SYNDIG1L: variants seen among roughly 807,000 people sequenced by gnomAD.
The protein encoded by SYNDIG1L is synapse differentiation-inducing gene protein 1-like.
A neutral mutation model predicts 20.1 loss-of-function variants in SYNDIG1L; 13 were observed. That is an observed-to-expected ratio of 0.65 (90% CI 0.42 to 1.03). The LOEUF is 1.03. Among genes scored for constraint, SYNDIG1L ranks in the 50% least tolerant of loss-of-function variants. The pLI, the probability that SYNDIG1L is intolerant of heterozygous loss-of-function variation, is 0.00. For missense variants in SYNDIG1L, 294 were observed against 305.1 expected, an observed-to-expected ratio of 0.96 and a Z score of 0.27; for synonymous variants, 128 against 129.3, an observed-to-expected ratio of 0.99 and a Z score of 0.07.
At chr14:74,438,102 A>G in the SYNDIG1L span, among the ~76,000 whole-genome samples, 2 of 152,230 alleles carry the variant, frequency 1.3e-5, no homozygotes, top group African/African-American at 4.8e-5. Context: ...CACCTACTGT[A>G]TGCTATATAA....
intron 1 of SYNDIG1L, among the ~76,000 whole-genome samples, chr14:74,412,381 T>C (rs1055492123): frequency 1.2e-4 from 19 of 152,278 alleles, no homozygotes; most frequent in Admixed American, 7.2e-4. Flanking sequence ...GTAAGCCGTA[T>C]GGATTTGGGA....
chr14:74,456,671 G>A, the SYNDIG1L span, among the ~76,000 whole-genome samples: 3 of 152,298 alleles, frequency 2.0e-5, no homozygotes, highest in African/African-American at 4.8e-5. Flanking sequence ...GGTCACTGGA[G>A]CTGGGGGTGG....
the SYNDIG1L span, chr14:74,479,812 A>G: frequency 3.5e-6 from 1 of 286,926 alleles, no homozygotes; most frequent in Non-Finnish European, 6.3e-6. Context: ...CTGGACAAAA[A>G]GGAGGAAAAA....
chr14:74,455,388 C>T, the SYNDIG1L span, among the ~76,000 whole-genome samples: 1 of 142,750 alleles, frequency 7.0e-6, no homozygotes, highest in Non-Finnish European at 1.5e-5. Flanking sequence ...TTCCTTCTTC[C>T]CCAATCTTTT....
chr14:74,426,493 T>C (rs974901349), upstream of SYNDIG1L, among the ~76,000 whole-genome samples: 6 of 152,272 alleles, frequency 3.9e-5, no homozygotes, highest in East Asian at 1.9e-4. Flanking sequence ...TGGGAGGCCC[T>C]TGGGCTTCTT....
chr14:74,458,515 G>C, the SYNDIG1L span, among the ~76,000 whole-genome samples: 1 of 151,448 alleles, frequency 6.6e-6, no homozygotes, highest in East Asian at 1.9e-4. Context: ...CCAGCTACTC[G>C]GGAGGCTGAG....
the SYNDIG1L span, among the ~76,000 whole-genome samples, chr14:74,444,891 T>C: frequency 2.6e-5 from 4 of 152,226 alleles, no homozygotes; most frequent in African/African-American, 9.6e-5. Flanking sequence ...TAGTTACAAA[T>C]AGTAACAGTT....
chr14:74,463,374 C>T, the SYNDIG1L span, among the ~76,000 whole-genome samples: 3 of 152,146 alleles, frequency 2.0e-5, no homozygotes, highest in Non-Finnish European at 2.9e-5. Flanking sequence ...CAGGGTTCTG[C>T]AGAGTGTCCC....
At chr14:74,422,468 C>T (rs902815024) in intron 1 of SYNDIG1L, among the ~76,000 whole-genome samples, 1 of 152,092 alleles carries the variant, frequency 6.6e-6, no homozygotes, top group Non-Finnish European at 1.5e-5. Context: ...CCTCCTGCTT[C>T]TGTCTGCCCA....
At chr14:74,409,987 G>C (rs2086118907) in intron 1 of SYNDIG1L, among the ~76,000 whole-genome samples, 186 bp from the exon 2 acceptor site, 1 of 152,210 alleles carries the variant, frequency 6.6e-6, no homozygotes. Context: ...TGTGGCTTGG[G>C]ACTGGCAGTA....
the SYNDIG1L span, among the ~76,000 whole-genome samples, chr14:74,456,251 T>C: frequency 2.6e-5 from 4 of 152,198 alleles, no homozygotes; most frequent in Non-Finnish European, 5.9e-5. Flanking sequence ...GATCCTTTGC[T>C]GGGCGCAGTG....
chr14:74,459,607 G>A, the SYNDIG1L span, among the ~76,000 whole-genome samples: 2 of 152,212 alleles, frequency 1.3e-5, no homozygotes, highest in Non-Finnish European at 2.9e-5. Context: ...TTCAAACCAT[G>A]CTTGGTACCC....
intron 1 of SYNDIG1L, among the ~76,000 whole-genome samples, chr14:74,418,527 G>A (rs554354481): frequency 6.6e-6 from 1 of 152,054 alleles, no homozygotes; most frequent in South Asian, 2.1e-4. Flanking sequence ...CAAATAATTC[G>A]ACACTCTTTC....
Position 74,407,579 on chromosome 14 carries a change from C to T in SYNDIG1L, c.673G>A (p.Val225Met), listed in dbSNP as rs775540895. The change falls in exon 4 of 4, where the codon GTG becomes ATG. Residue 225 changes from valine (V) to methionine (M), a missense_variant. By Grantham distance (21) the Val-to-Met change is conservative. Transcript: ENST00000331628. ...AVGAGLYVAV[V>M]VALAAYMSQN... ...GACATGTAAGCTGCCAGAGCCACCA[C>T]CACAGCCACGTAGAGACCGGCCCCC... 3 of 1,613,986 alleles carry T rather than the reference C, an allele frequency of 1.9e-6. No individual in the cohort carries two copies. The East Asian group carries it at 6.7e-5, about 36-fold the overall frequency.
chr14:74,408,267 G>A (rs1329768104), intron 2 of SYNDIG1L, among the ~76,000 whole-genome samples: 1 of 152,108 alleles, frequency 6.6e-6, no homozygotes, highest in Admixed American at 6.5e-5. Context: ...TGAAAGAAGA[G>A]AAACACTCTC....
chr14:74,412,356 G>A (rs1262378146), intron 1 of SYNDIG1L, among the ~76,000 whole-genome samples: 1 of 152,206 alleles, frequency 6.6e-6, no homozygotes. Context: ...GTGGGGTTGA[G>A]GGCATGTGAG....
At chr14:74,421,476 C>T (rs1192775776) in intron 1 of SYNDIG1L, among the ~76,000 whole-genome samples, 1 of 151,998 alleles carries the variant, frequency 6.6e-6, no homozygotes, top group Non-Finnish European at 1.5e-5. Context: ...AGAAAAATAA[C>T]AATTAAAGAA....
intron 1 of SYNDIG1L, among the ~76,000 whole-genome samples, chr14:74,423,695 C>T (rs72730170): frequency 0.014 from 9 of 636 alleles, no homozygotes; most frequent in South Asian, 0.062. Context: ...TATATATATA[C>T]ACACACACAC....
At chr14:74,448,265 C>G in the SYNDIG1L span, among the ~76,000 whole-genome samples, 3 of 152,016 alleles carry the variant, frequency 2.0e-5, no homozygotes, top group African/African-American at 7.2e-5. Flanking sequence ...ACAAGAAACA[C>G]ACTTGGACTA....
Sources: allele counts gnomAD v4.1 joint callset (sites outside exome capture counted in the v4.1 genomes callset), GRCh38; gene constraint gnomAD v4.1.1; transcripts MANE v1.5; gene names NCBI Gene and HGNC (gene_info 2026-07-23, HGNC 2026-07-21).